The following PDGFRL variants were observed in gnomAD, a reference collection of about 807,000 sequenced individuals.
PDGFRL encodes platelet derived growth factor receptor like, also known as platelet-derived growth factor receptor-like protein.
Under a neutral mutation model 37.2 loss-of-function variants are expected in PDGFRL, and 46 were observed. The ratio of observed to expected loss-of-function variants is 1.24; its 90% confidence interval spans 0.98 to 1.58. The LOEUF (loss-of-function observed/expected upper bound fraction) is 1.58, where lower values mean the gene tolerates loss of function less well. PDGFRL is among the 40% of genes most tolerant of loss of function. The pLI is 0.00. For synonymous variants in PDGFRL, 251 were observed against 184.3 expected, an observed-to-expected ratio of 1.36 and a Z score of -2.93; for missense variants, 692 against 467.6, an observed-to-expected ratio of 1.48 and a Z score of -4.43.
chr8:17,628,684 C>T lies in PDGFRL; in HGVS notation c.703C>T (p.Gln235Ter), dbSNP rs1804788324. The T allele has an allele frequency of 6.2e-7, 1 of 1,613,980 alleles. No individual in the cohort carries two copies. ...CATGAAGCGGGGCTTTGTGTATCTG[C>T]AACCTCATTCCGAGCACCAGGGTGT... Reference protein sequence around the residue: ...YDMKRGFVYLQPHSEHQGVVY... With the variant: ...YDMKRGFVYL Residue 235 changes from glutamine to a stop codon, truncating the protein, a stop_gained, in exon 4 of 6, where the codon CAA becomes TAA. Coordinates refer to ENST00000251630, the MANE Select transcript of PDGFRL (RefSeq NM_001372073.1). LOFTEE classifies it high-confidence loss of function.
intron 2 of PDGFRL, among the ~76,000 whole-genome samples, chr8:17,607,441 A>T (rs1585315039): frequency 6.6e-6 from 1 of 152,250 alleles, no homozygotes; most frequent in South Asian, 2.1e-4. Context: ...TCAACAAAAC[A>T]TTTCATTTCT....
chr8:17,604,805 C>T (rs545097855), intron 2 of PDGFRL, among the ~76,000 whole-genome samples: 1 of 152,196 alleles, frequency 6.6e-6, no homozygotes, highest in South Asian at 2.1e-4. Context: ...TAAAGCCTTT[C>T]TAAATATGTA....
At chr8:17,609,872 A>G (rs563712430) in intron 2 of PDGFRL, among the ~76,000 whole-genome samples, 45 of 152,280 alleles carry the variant, frequency 3.0e-4, no homozygotes, top group Admixed American at 1.3e-4. Context: ...TAGTCTCTAC[A>G]CCAAGAAAAC....
At chr8:17,621,593 A>G (rs1314357097) in intron 3 of PDGFRL, among the ~76,000 whole-genome samples, 2 of 152,178 alleles carry the variant, frequency 1.3e-5, no homozygotes, top group Non-Finnish European at 2.9e-5. Context: ...TTAAAATGAA[A>G]TAAAATTAAG....
chr8:17,617,924 T>C lies in PDGFRL; in HGVS notation c.354-3127T>C, dbSNP rs182310709. 2.0e-5 allele frequency among the ~76,000 whole-genome samples: 3 copies of C among 152,304 alleles called. No individual in the cohort carries two copies. The East Asian group carries it at 5.8e-4, about 29-fold the overall frequency. ...GATTTGGTACCCTGGTTCTGAGCTC[T>C]ACGGGAATGTGGCCAGAAATTATTG... On this transcript the variant is annotated intron_variant, in intron 2 of 5. Transcript: ENST00000251630.
chr8:17,576,486 A>AT, upstream of PDGFRL: 2 of 154,698 alleles, frequency 1.3e-5, no homozygotes, highest in Middle Eastern at 6.6e-3. Flanking sequence ...CCGCCTAATC[A>AT]TGCCTAGAAC....
At chr8:17,592,338 T>A (rs1251421122) in intron 2 of PDGFRL, among the ~76,000 whole-genome samples, 1 of 152,202 alleles carries the variant, frequency 6.6e-6, no homozygotes, top group Non-Finnish European at 1.5e-5. Context: ...CTGTCCCCTG[T>A]CTGAGGCGCT....
At chr8:17,577,129 C>T (rs1258473718), upstream of PDGFRL, 16 of 1,423,786 alleles carry the variant, frequency 1.1e-5, no homozygotes, top group Non-Finnish European at 1.4e-5. Context: ...CCTTGTTCCT[C>T]CTGAAGAAAC....
intron 1 of PDGFRL, among the ~76,000 whole-genome samples, chr8:17,581,407 G>A (rs1803704925): frequency 6.6e-6 from 1 of 152,116 alleles, no homozygotes; most frequent in South Asian, 2.1e-4. Context: ...TGAGATGAAA[G>A]TCACTGGAGG....
rs538325691 is a variant in PDGFRL at position 17,597,313 on chromosome 8, G to A, written c.353+7548G>A. Among the ~76,000 whole-genome samples, 43 of 152,290 alleles carry A rather than the reference G, an allele frequency of 2.8e-4. 1 individual carries two copies. The South Asian group carries it at 8.9e-3, about 32-fold the overall frequency. ...TGAGATTTCAGGCATGAGCCTCCTC[G>A]TCCAGCCAAGCCTTGTAGTTATAAC... On this transcript the variant is annotated intron_variant, in intron 2 of 5. Coordinates refer to ENST00000251630, the MANE Select transcript of PDGFRL (RefSeq NM_001372073.1).
At chr8:17,625,847 TAGAC>T (rs1006042687) in intron 3 of PDGFRL, among the ~76,000 whole-genome samples, 4 of 152,052 alleles carry the variant, frequency 2.6e-5, no homozygotes, top group South Asian at 2.1e-4. Flanking sequence ...AATAAAAAAT[TAGAC>T]AGGCATGGTG....
At chr8:17,576,704 G>A (rs986915505), upstream of PDGFRL, 1 of 985,738 alleles carries the variant, frequency 1.0e-6, no homozygotes, top group Non-Finnish European at 1.2e-6. Context: ...TGGGTGCGGA[G>A]ACCAACTCTG....
intron 5 of PDGFRL, 128 bp downstream of exon 5, chr8:17,634,341 G>T: frequency 3.0e-6 from 2 of 677,190 alleles, no homozygotes; most frequent in East Asian, 2.7e-5. Context: ...GAAACATGTG[G>T]GGCTATGTTG....
chr8:17,635,959 G>T (rs932528238), intron 5 of PDGFRL, among the ~76,000 whole-genome samples: 1 of 152,126 alleles, frequency 6.6e-6, no homozygotes, highest in African/African-American at 2.4e-5. Context: ...CCCAATTTTT[G>T]ATGGGATTGT....
At chr8:17,613,060 T>G (rs192498050) in intron 2 of PDGFRL, among the ~76,000 whole-genome samples, 117 of 152,346 alleles carry the variant, frequency 7.7e-4, no homozygotes, top group African/African-American at 2.7e-3. Flanking sequence ...TGTAATACTG[T>G]AGTAGGTTTA....
Position 17,602,252 on chromosome 8 carries a change from G to A in PDGFRL, c.353+12487G>A, listed in dbSNP as rs375498156. ...TGGCCATGTGTATGTCTTCGAGGAAGCCCCACTTTTTGACAGATAAGGGAA... is the reference window on the plus strand; with the variant it reads ...TGGCCATGTGTATGTCTTCGAGGAAACCCCACTTTTTGACAGATAAGGGAA... On this transcript the variant is annotated intron_variant, in intron 2 of 5. Coordinates refer to ENST00000251630, the MANE Select transcript of PDGFRL (RefSeq NM_001372073.1). Among the ~76,000 whole-genome samples, 19 of 152,154 alleles carry A rather than the reference G, an allele frequency of 1.2e-4. No individual in the cohort carries two copies. The East Asian group carries it at 1.5e-3, about 12-fold the overall frequency.
chr8:17,624,602 A>C (rs1344138238), intron 3 of PDGFRL, among the ~76,000 whole-genome samples: 4 of 152,150 alleles, frequency 2.6e-5, no homozygotes, highest in Non-Finnish European at 5.9e-5. Context: ...ACGTAGGAAA[A>C]CCACATTAAT....
chr8:17,603,343 A>G (rs1804205987), intron 2 of PDGFRL, among the ~76,000 whole-genome samples: 1 of 152,206 alleles, frequency 6.6e-6, no homozygotes, highest in Non-Finnish European at 1.5e-5. Context: ...GTACCCACAC[A>G]GGGACAAATT....
chr8:17,618,579 C>T (rs981040679), intron 2 of PDGFRL, among the ~76,000 whole-genome samples: 10 of 152,186 alleles, frequency 6.6e-5, no homozygotes, highest in African/African-American at 2.4e-4. Context: ...AAGACTTGCT[C>T]ACAAGCGATT....
Sources: gnomAD v4.1 joint callset for allele counts (sites outside exome capture counted in the v4.1 genomes callset) on GRCh38, gnomAD v4.1.1 for gene constraint, MANE v1.5 for transcripts, NCBI Gene and HGNC (gene_info 2026-07-23, HGNC 2026-07-21) for gene names.